NECAB2: variants seen among roughly 807,000 people sequenced by gnomAD.
The protein encoded by NECAB2 is N-terminal EF-hand calcium binding protein 2.
In NECAB2, 68 loss-of-function variants were observed where a neutral mutation model predicts 51.9. That is an observed-to-expected ratio of 1.31 (90% CI 1.08 to 1.60). The LOEUF (loss-of-function observed/expected upper bound fraction) is 1.60, where lower values mean the gene tolerates loss of function less well. NECAB2 is among the 40% of genes most tolerant of loss of function. NECAB2 has a pLI of 0.00. For missense variants in NECAB2, 854 were observed against 490.3 expected, an observed-to-expected ratio of 1.74 and a Z score of -7.00; for synonymous variants, 329 against 203.5, an observed-to-expected ratio of 1.62 and a Z score of -5.25.
rs201584692 is a variant in NECAB2, at chr16:84,002,406, C to T, written c.*60C>T. On this transcript the variant is annotated 3_prime_UTR_variant, in exon 13 of 13. Transcript: ENST00000305202. ...CCCCTTCTTCTTGTGAAGGAAATCC[C>T]GTTTTTTTCTAGACAGACACTTTGG... 30 of 1,573,058 alleles carry T rather than the reference C, an allele frequency of 1.9e-5. No homozygotes were observed. The highest frequency in any genetic ancestry group is 3.3e-5 in the Admixed American group (2 of 59,918).
rs769709045 is a variant in NECAB2, at chr16:83,994,682, G to A, written c.789G>A (p.Glu263=). The part of the protein sequence containing the change: ...SRLAELIGRL[E]SKALWFDLQQ... The stretch of plus-strand genomic sequence containing the variant: ...TGGCAGAGCTGATTGGGAGGCTGGA[G>A]AGCAAAGTAAGCCCTGGCCTGACCA... The change falls in exon 8 of 13, where the codon GAG becomes GAA. Residue 263 remains glutamate (E), a synonymous_variant. Coordinates refer to ENST00000305202, the MANE Select transcript of NECAB2 (RefSeq NM_019065.3). The A allele has an allele frequency of 4.0e-5, 65 of 1,613,954 alleles. No individual in the cohort carries two copies. Among genetic ancestry groups the A allele is most frequent in the Non-Finnish European group, 7.6e-6 (9 of 1,180,028 alleles).
intron 2 of NECAB2, among the ~76,000 whole-genome samples, chr16:83,974,015 C>T (rs2084377391): frequency 6.7e-6 from 1 of 149,842 alleles, no homozygotes; most frequent in South Asian, 2.1e-4. Flanking sequence ...CTGCAGGCTC[C>T]CCCCATCAGA....
intron 2 of NECAB2, among the ~76,000 whole-genome samples, chr16:83,975,899 G>T (rs1016441457): frequency 1.3e-5 from 2 of 152,196 alleles, no homozygotes; most frequent in East Asian, 3.8e-4. Context: ...GGGGGCCTAC[G>T]TAGGGCATGT....
In NECAB2 at chr16:84,002,490, A is replaced by G. The variant is rs2084858452; in HGVS notation, c.*144A>G. 6 of 1,112,464 alleles carry G rather than the reference A, an allele frequency of 5.4e-6. No homozygotes were observed. The highest frequency in any genetic ancestry group is 7.9e-6 in the Non-Finnish European group (6 of 755,626). The allele number at this position is 1,112,464 out of a possible 1,614,324, so 68.9% of individuals were successfully genotyped here. A position where few individuals can be genotyped will look rare whatever the true frequency, so the allele number is the denominator to read the frequency against. On this transcript the variant is annotated 3_prime_UTR_variant, in exon 13 of 13. Coordinates refer to ENST00000305202, the MANE Select transcript of NECAB2 (RefSeq NM_019065.3). ...GAAGGTGTTTCCCTGTTGTTAAGTG[A>G]AGGAGGCCGCCCCTGCCCCCACCTG...
At chr16:83,965,924 G>A (rs867987163), upstream of NECAB2, 4 of 1,612,676 alleles carry the variant, frequency 2.5e-6, no homozygotes, top group Middle Eastern at 3.3e-4. Context: ...GCTGGCCGGG[G>A]ACAACTTCGT....
chr16:84,001,557 G>A (rs576212207), intron 11 of NECAB2, among the ~76,000 whole-genome samples: 15 of 152,184 alleles, frequency 9.9e-5, no homozygotes, highest in African/African-American at 3.1e-4. Context: ...TCCTGCTAGG[G>A]TAAAGGGGGA....
At chr16:83,984,963 T>C (rs2084534333) in intron 5 of NECAB2, among the ~76,000 whole-genome samples, 1 of 152,308 alleles carries the variant, frequency 6.6e-6, no homozygotes, top group East Asian at 1.9e-4. Context: ...TTTGCTGTTC[T>C]TTTTCATATG....
chr16:84,002,524 G>GCAC lies in NECAB2; in HGVS notation c.*178_*179insCAC. On this transcript the variant is annotated 3_prime_UTR_variant, in exon 13 of 13. Coordinates refer to ENST00000305202, the MANE Select transcript of NECAB2 (RefSeq NM_019065.3). ...GCCCCTGCCCCCACCTGAGAAGGCA[G>GCAC]AGCAGTGTCTGTGCTGCCAGGTCCT... 2 of 789,318 alleles carry GCAC rather than the reference G, an allele frequency of 2.5e-6. No homozygotes were observed. Among genetic ancestry groups the GCAC allele is most frequent in the Non-Finnish European group, 4.1e-6 (2 of 488,928 alleles). 48.9% of individuals were successfully genotyped at this position (789,318 alleles called of 1,614,324 possible).
intron 8 of NECAB2, among the ~76,000 whole-genome samples, chr16:83,995,863 C>G (rs955737669): frequency 2.0e-5 from 3 of 152,254 alleles, no homozygotes; most frequent in Admixed American, 6.5e-5. Flanking sequence ...GGGAGCGGCT[C>G]GGAGGGGACC....
rs185906720 is a variant in NECAB2 at position 84,000,726 on chromosome 16, T to G, written c.965T>G (p.Ile322Ser). Residue 322 changes from isoleucine (I) to serine (S), a missense_variant and splice_region_variant, in exon 11 of 13, where the codon ATC becomes AGC. Physicochemically the swap from Ile to Ser is moderately radical, Grantham distance 142. Transcript: ENST00000305202. The part of the protein sequence containing the change: ...GTTGVRNCFH[I>S]TAVRLSDGFT... ...CCCCCGACCATCTCCTGTTGCAGCATCACTGCCGTGAGGCTCTCAGATGGC... is the reference window on the plus strand; with the variant it reads ...CCCCCGACCATCTCCTGTTGCAGCAGCACTGCCGTGAGGCTCTCAGATGGC... 1.9e-6 allele frequency: 3 copies of G among 1,613,822 alleles called. No individual in the cohort carries two copies. In the Admixed American group the frequency reaches 5.0e-5, roughly 27 times the overall value.
chr16:83,979,573 T>A (rs2084458538), intron 3 of NECAB2, among the ~76,000 whole-genome samples: 1 of 152,140 alleles, frequency 6.6e-6, no homozygotes, highest in Admixed American at 6.5e-5. Context: ...AGATGGAGAT[T>A]TCTGAGCTGT....
Position 84,002,471 on chromosome 16 carries a change from GT to G in NECAB2, c.*128del. On this transcript the variant is annotated 3_prime_UTR_variant, in exon 13 of 13. Coordinates refer to ENST00000305202, the MANE Select transcript of NECAB2 (RefSeq NM_019065.3). ...TTCAATCCATCCTCCACAAGAAGGT[GT>G]TTCCCTGTTGTTAAGTGAAGGAGGC... 1 of 1,326,882 alleles carries G rather than the reference GT, an allele frequency of 7.5e-7. No homozygotes were observed. Among genetic ancestry groups the G allele is most frequent in the Non-Finnish European group, 1.1e-6 (1 of 933,706 alleles). The allele number at this position is 1,326,882 out of a possible 1,614,324, so 82.2% of individuals were successfully genotyped here. A position where few individuals can be genotyped will look rare whatever the true frequency, so the allele number is the denominator to read the frequency against.
At chr16:83,987,867 G>T (rs2084575289) in intron 5 of NECAB2, among the ~76,000 whole-genome samples, 2 of 152,166 alleles carry the variant, frequency 1.3e-5, no homozygotes, top group Admixed American at 1.3e-4. Flanking sequence ...AGAGCAAAAT[G>T]GCTACATAAG....
At position 84,000,578 on chromosome 16, in the gene NECAB2, C is replaced by G. The variant is rs545301228; in HGVS notation, c.963-146C>G. 4 of 612,276 alleles carry G rather than the reference C, an allele frequency of 6.5e-6. No individual in the cohort carries two copies. In the East Asian group the frequency reaches 8.2e-5, roughly 13 times the overall value. 37.9% of individuals were successfully genotyped at this position (612,276 alleles called of 1,614,324 possible). ...ATTCCCTGTGCTGGGGTCACCCTGT[C>G]GAGTCTCGATGGAGGTCAAGACAGG... On this transcript the variant is annotated intron_variant, in intron 10 of 12. Transcript: ENST00000305202.
chr16:83,966,159 G>A (rs2084277922), upstream of NECAB2: 3 of 651,406 alleles, frequency 4.6e-6, no homozygotes, highest in Non-Finnish European at 7.7e-6. Flanking sequence ...ATCCCAGGCT[G>A]CCCTGGACTT....
intron 5 of NECAB2, among the ~76,000 whole-genome samples, chr16:83,983,328 G>A (rs2084512523): frequency 6.6e-6 from 1 of 152,156 alleles, no homozygotes; most frequent in Non-Finnish European, 1.5e-5. Flanking sequence ...TGCCCCTCTT[G>A]CTTCCCTGTC....
chr16:83,998,097 A>T (rs2084744818), intron 9 of NECAB2, 108 bp from the exon 10 acceptor site: 2 of 918,038 alleles, frequency 2.2e-6, no homozygotes, highest in East Asian at 2.6e-5. Flanking sequence ...AAAGTGGGGG[A>T]GGGTTATTTT....
In NECAB2 at chr16:83,997,228, G is replaced by A. The variant is rs757009324; in HGVS notation, c.808G>A (p.Asp270Asn). ...TGGATTGTTTCAGGCACTGTGGTTC[G>A]ACCTGCAGCAGCGCCTGTCAGATGA... ...GRLESKALWF[D>N]LQQRLSDEDG... is the part of the protein sequence containing the mutation. The change falls in exon 9 of 13, where the codon GAC becomes AAC. Residue 270 changes from aspartate to asparagine, a missense_variant. Coordinates refer to ENST00000305202, the MANE Select transcript of NECAB2 (RefSeq NM_019065.3). The A allele has an allele frequency of 1.4e-5, 22 of 1,614,004 alleles. No individual in the cohort carries two copies. The highest frequency in any genetic ancestry group is 8.8e-5 in the South Asian group (8 of 91,090).
At chr16:83,988,527 A>T (rs2084582777) in intron 5 of NECAB2, among the ~76,000 whole-genome samples, 1 of 152,196 alleles carries the variant, frequency 6.6e-6, no homozygotes, top group African/African-American at 2.4e-5. Context: ...TTAGTGGTTA[A>T]TGTTTTTATT....
Sources: gnomAD v4.1 joint callset for allele counts (sites outside exome capture counted in the v4.1 genomes callset) on GRCh38, gnomAD v4.1.1 for gene constraint, MANE v1.5 for transcripts, NCBI Gene and HGNC (gene_info 2026-07-23, HGNC 2026-07-21) for gene names.